Variants in PRR5L observed in about 807,000 individuals in gnomAD.
PRR5L encodes proline-rich protein 5-like.
A neutral mutation model predicts 36.4 loss-of-function variants in PRR5L; 21 were observed. That is an observed-to-expected ratio of 0.58 (90% CI 0.41 to 0.83). The LOEUF (loss-of-function observed/expected upper bound fraction) is 0.83. PRR5L is among the 40% of genes least tolerant of loss of function. The pLI, the probability that PRR5L is intolerant of heterozygous loss-of-function variation, is 0.00. For missense variants in PRR5L, 381 were observed against 473.3 expected, an observed-to-expected ratio of 0.80 and a Z score of 1.81; for synonymous variants, 188 against 197.0, an observed-to-expected ratio of 0.95 and a Z score of 0.38.
intron 1 of PRR5L, among the ~76,000 whole-genome samples, chr11:36,388,838 A>T (rs955542711): frequency 1.3e-5 from 2 of 151,942 alleles, no homozygotes; most frequent in African/African-American, 4.8e-5. Flanking sequence ...AGCTGGGACT[A>T]CAGGCGCCCG....
At chr11:36,325,964 T>C (rs116977759) in intron 1 of PRR5L, among the ~76,000 whole-genome samples, 4,964 of 152,288 alleles carry the variant, frequency 0.033, 94 homozygotes, top group Middle Eastern at 0.051. Flanking sequence ...AGGTTTTGTT[T>C]GTTTGTTTTT....
intron 4 of PRR5L, among the ~76,000 whole-genome samples, 174 bp downstream of exon 4, chr11:36,419,477 A>G (rs1858218119): frequency 6.6e-6 from 1 of 152,214 alleles, no homozygotes; most frequent in African/African-American, 2.4e-5. Context: ...GTCTCCCAGC[A>G]GTTAATGGAG....
intron 1 of PRR5L, among the ~76,000 whole-genome samples, chr11:36,354,960 G>T (rs759595534): frequency 2.0e-5 from 3 of 152,194 alleles, no homozygotes; most frequent in Non-Finnish European, 4.4e-5. Flanking sequence ...AGAGGTTGGA[G>T]AACGTAAAGG....
intron 1 of PRR5L, among the ~76,000 whole-genome samples, chr11:36,357,207 C>G (rs552906968): frequency 6.6e-6 from 1 of 152,214 alleles, no homozygotes; most frequent in African/African-American, 2.4e-5. Context: ...TCCTATGAAG[C>G]CTGAGCAAGG....
At chr11:36,319,693 T>G (rs528995994) in intron 1 of PRR5L, among the ~76,000 whole-genome samples, 1 of 152,232 alleles carries the variant, frequency 6.6e-6, no homozygotes, top group Admixed American at 6.5e-5. Flanking sequence ...TTTTTTTTTT[T>G]TTTTTGCTTA....
intron 1 of PRR5L, among the ~76,000 whole-genome samples, chr11:36,345,699 A>G (rs1044926333): frequency 1.3e-5 from 2 of 152,154 alleles, no homozygotes; most frequent in Non-Finnish European, 2.9e-5. Context: ...CAGTGGCAGA[A>G]AGCCCTGTCT....
intron 4 of PRR5L, among the ~76,000 whole-genome samples, chr11:36,431,077 G>T (rs1326978077): frequency 6.6e-6 from 1 of 152,108 alleles, no homozygotes; most frequent in Non-Finnish European, 1.5e-5. Context: ...GTCTTAGGGG[G>T]CCAACTATAG....
intron 8 of PRR5L, 65 bp from the exon 9 acceptor site, chr11:36,462,277 T>A: frequency 7.0e-7 from 1 of 1,427,040 alleles, no homozygotes; most frequent in East Asian, 2.5e-5. Flanking sequence ...CCCAGTTGGA[T>A]TAGGAGCTTT....
intron 4 of PRR5L, among the ~76,000 whole-genome samples, chr11:36,429,363 C>A (rs187717324): frequency 1.3e-5 from 2 of 152,184 alleles, no homozygotes; most frequent in East Asian, 3.9e-4. Context: ...ATACCAGGAG[C>A]CAAGGGTACT....
At chr11:36,364,845 T>A (rs973563437) in intron 1 of PRR5L, among the ~76,000 whole-genome samples, 1 of 152,194 alleles carries the variant, frequency 6.6e-6, no homozygotes, top group Non-Finnish European at 1.5e-5. Flanking sequence ...GTCGGGCAAT[T>A]TGACATCTCT....
rs377759020 is a variant in PRR5L at position 36,440,229 on chromosome 11, T to TC, written c.444+2760dup. On this transcript the variant is annotated intron_variant, in intron 6 of 8. Coordinates refer to ENST00000530639, the MANE Select transcript of PRR5L (RefSeq NM_001160167.2). Reference sequence around the variant, plus strand: ...AGCGAGGAGTTCTGAAGATAAAACCTCCCCCCCACCTATGCTGGGGAGGAA... The same window carrying TC: ...AGCGAGGAGTTCTGAAGATAAAACCTCCCCCCCCACCTATGCTGGGGAGGAA... Among the ~76,000 whole-genome samples the TC allele has an allele frequency of 8.8e-4, 133 of 151,948 alleles. 2 individuals carry two copies. Among genetic ancestry groups the TC allele is most frequent in the African/African-American group, 2.9e-3 (121 of 41,402 alleles).
intron 3 of PRR5L, among the ~76,000 whole-genome samples, chr11:36,409,099 G>T (rs1010142734): frequency 6.6e-6 from 1 of 152,100 alleles, no homozygotes; most frequent in African/African-American, 2.4e-5. Flanking sequence ...GGAGTGCTGG[G>T]GGCATGTGGA....
intron 6 of PRR5L, among the ~76,000 whole-genome samples, chr11:36,443,725 A>G (rs1260717666): frequency 6.6e-6 from 1 of 152,218 alleles, no homozygotes; most frequent in Non-Finnish European, 1.5e-5. Flanking sequence ...AGTTATTTGG[A>G]TGAGTTTTTC....
At chr11:36,363,837 G>A (rs1234433506) in intron 1 of PRR5L, among the ~76,000 whole-genome samples, 5 of 152,312 alleles carry the variant, frequency 3.3e-5, no homozygotes, top group East Asian at 3.9e-4. Flanking sequence ...CCAGTAGGAC[G>A]AACAGGAACC....
At chr11:36,354,595 T>G (rs1421626172) in intron 1 of PRR5L, among the ~76,000 whole-genome samples, 1 of 152,156 alleles carries the variant, frequency 6.6e-6, no homozygotes, top group Non-Finnish European at 1.5e-5. Context: ...TGTATTGCAA[T>G]AGGACCATTC....
intron 1 of PRR5L, among the ~76,000 whole-genome samples, chr11:36,348,590 C>T (rs1282248609): frequency 6.6e-6 from 1 of 152,216 alleles, no homozygotes; most frequent in Non-Finnish European, 1.5e-5. Context: ...AATTAATAAT[C>T]TCACATGGCT....
intron 3 of PRR5L, among the ~76,000 whole-genome samples, chr11:36,404,703 T>G (rs1857874116): frequency 6.6e-6 from 1 of 152,240 alleles, no homozygotes; most frequent in Non-Finnish European, 1.5e-5. Flanking sequence ...TACTGTTAGT[T>G]AAGGCCTGCA....
At chr11:36,434,651 G>C (rs895314099) in intron 5 of PRR5L, among the ~76,000 whole-genome samples, 1 of 152,110 alleles carries the variant, frequency 6.6e-6, no homozygotes, top group African/African-American at 2.4e-5. Flanking sequence ...TTACATTAGA[G>C]GGCAGATTTA....
chr11:36,330,209 C>G (rs1288190103), intron 1 of PRR5L, among the ~76,000 whole-genome samples: 1 of 152,110 alleles, frequency 6.6e-6, no homozygotes, highest in African/African-American at 2.4e-5. Context: ...ATATAATCTA[C>G]TAAATTGCTG....
Sources: allele counts gnomAD v4.1 joint callset (sites outside exome capture counted in the v4.1 genomes callset), GRCh38; gene constraint gnomAD v4.1.1; transcripts MANE v1.5; gene names NCBI Gene and HGNC (gene_info 2026-07-23, HGNC 2026-07-21).